Variants in PPP1R26 observed in about 807,000 individuals in gnomAD.
PPP1R26 encodes the protein 1A6/DRIM (down-regulated in metastasis) interacting protein.
In PPP1R26, 22 loss-of-function variants were observed where a neutral mutation model predicts 67.6. The observed-to-expected ratio is 0.33, with a 90% CI of 0.23 to 0.46. PPP1R26 has a LOEUF of 0.46. Ranked by LOEUF, PPP1R26 falls within the 20% of genes least tolerant of loss-of-function variation. The pLI, the probability that PPP1R26 is intolerant of heterozygous loss-of-function variation, is 1.00. For missense variants in PPP1R26, 1,602 were observed against 1,651.4 expected (o/e 0.97, Z 0.52); for synonymous variants, 729 against 717.2 (o/e 1.02, Z -0.26).
intron 2 of PPP1R26, among the ~76,000 whole-genome samples, chr9:135,483,088 C>T (rs758004996): frequency 1.4e-4 from 20 of 144,580 alleles, no homozygotes; most frequent in Non-Finnish European, 2.4e-4. Context: ...CTCCTGGGTT[C>T]GAGCAATTCT....
chr9:135,480,098 A>G (rs1324611812), intron 1 of PPP1R26, 76 bp downstream of exon 1: 1 of 145,824 alleles, frequency 6.9e-6, no homozygotes, highest in Non-Finnish European at 1.5e-5. Flanking sequence ...AGGGCCAGCC[A>G]GGCCGGGGCC....
Position 135,487,452 on chromosome 9 carries a change from C to T in PPP1R26, c.2942C>T (p.Pro981Leu), listed in dbSNP as rs774387095. 1 of 1,610,326 alleles carries T rather than the reference C, an allele frequency of 6.2e-7. No homozygotes were observed. The highest frequency in any genetic ancestry group is 8.5e-7 in the Non-Finnish European group (1 of 1,179,616). ...PAAKSAFGQL[P>L]SCATAGTEAG... ...GCCAAAAGTGCTTTTGGTCAGCTGC[C>T]CAGCTGTGCCACAGCGGGCACCGAG... The change falls in exon 4 of 4, where the codon CCC (proline) becomes CTC (leucine). Residue 981 changes from proline to leucine, a missense_variant. Around this residue, in one of 5 missense-constraint regions of PPP1R26, gnomAD observed 740 missense variants for 696.3 expected, o/e 1.06. Transcript: ENST00000356818.
rs768215472 is a variant in PPP1R26 at position 135,486,631 on chromosome 9, C to T, written c.2121C>T (p.Leu707=). The change falls in exon 4 of 4, where the codon CTC becomes CTT. Residue 707 remains leucine (L), a synonymous_variant. Transcript: ENST00000356818. The surrounding 1 kb of genome is among the most constrained non-coding windows in gnomAD (Gnocchi z 6.2). ...IKDLLRSKRK[L]KKRCREPRAA... ...ACTTGTTAAGGTCCAAGCGAAAGCT[C>T]AAGAAGAGGTGCAGGGAGCCCAGGG... The T allele has an allele frequency of 4.3e-6, 7 of 1,612,352 alleles. No individual in the cohort carries two copies. The highest frequency in any genetic ancestry group is 1.1e-5 in the South Asian group (1 of 91,012).
Position 135,488,007 on chromosome 9 carries a change from G to A in PPP1R26, c.3497G>A (p.Ser1166Asn). 6.2e-7 allele frequency: 1 copy of A among 1,611,810 alleles called. No individual in the cohort carries two copies. Among genetic ancestry groups the A allele is most frequent in the South Asian group, 1.1e-5 (1 of 90,842 alleles). Reference protein sequence around the residue: ...HDRRSSGSEESILDLRYRRRV... With the variant: ...HDRRSSGSEENILDLRYRRRV... ...AGGAGGAGCTCGGGCTCGGAGGAAA[G>A]CATTTTAGACCTGAGGTATCGACGA... Residue 1166 changes from serine to asparagine, a missense_variant, in exon 4 of 4, where the codon AGC becomes AAC. Transcript: ENST00000356818.
In PPP1R26 at chr9:135,485,591, G is replaced by A. The variant is rs574333879; in HGVS notation, c.1081G>A (p.Asp361Asn). ...TGCGGCACAGGCGTCCGAGGCGTCC[G>A]ACTCCAGCAGCGACGATGGCATTGA... ...MSAAQASEASDSSSDDGIEEA... is the reference protein window; with the variant it reads ...MSAAQASEASNSSSDDGIEEA... The change falls in exon 4 of 4, where the codon GAC becomes AAC. Residue 361 changes from aspartate (D) to asparagine (N), a missense_variant. Coordinates refer to ENST00000356818, the MANE Select transcript of PPP1R26 (RefSeq NM_014811.5). This position sits in a 1 kb window ranked among gnomAD's most constrained non-coding sequence, Gnocchi z 7.2. The A allele has an allele frequency of 5.8e-5, 94 of 1,613,160 alleles. No individual in the cohort carries two copies. The highest frequency in any genetic ancestry group is 7.2e-5 in the Non-Finnish European group (85 of 1,180,020).
In PPP1R26 at chr9:135,488,339, ATTAT is replaced by A; in HGVS notation, c.*203_*206del. 2.9e-6 allele frequency: 3 copies of A among 1,049,646 alleles called. No individual in the cohort carries two copies. The highest frequency in any genetic ancestry group is 3.5e-4 in the Middle Eastern group (1 of 2,830). The allele number at this position is 1,049,646 out of a possible 1,614,324, so 65.0% of individuals were successfully genotyped here. ...ATATGATTTTTGTAGCTTTTTGTAA[ATTAT>A]TTAAAGTGATGTAAAAGATATTTTT... On this transcript the variant is annotated 3_prime_UTR_variant, in exon 4 of 4. Coordinates refer to ENST00000356818, the MANE Select transcript of PPP1R26 (RefSeq NM_014811.5).
rs1363688491 is a variant in PPP1R26 at position 135,486,603 on chromosome 9, A to T, written c.2093A>T (p.Lys698Met). The change falls in exon 4 of 4, where the codon AAG becomes ATG. Residue 698 changes from lysine to methionine, a missense_variant. By Grantham distance (95) the Lys-to-Met change is moderately conservative. Transcript: ENST00000356818. The surrounding 1 kb of genome is among the most constrained non-coding windows in gnomAD (Gnocchi z 6.2). ...DSDEDLDTAIKDLLRSKRKLK... is the reference protein window; with the variant it reads ...DSDEDLDTAIMDLLRSKRKLK... ...GACGAGGACCTGGACACAGCCATCA[A>T]GGACTTGTTAAGGTCCAAGCGAAAG... is the stretch of plus-strand genomic sequence containing the variant. 1 of 1,612,340 alleles carries T rather than the reference A, an allele frequency of 6.2e-7. No homozygotes were observed. Among genetic ancestry groups the T allele is most frequent in the South Asian group, 1.1e-5 (1 of 91,012 alleles).
chr9:135,486,398 C>CCCGG lies in PPP1R26; in HGVS notation c.1891_1894dup (p.His632ArgfsTer3). ...CGACCACAGCCAGGGGAGAGCTGAG[C>CCCGG]CCGGCCATGAGAGGCGAGACCTGCC... On this transcript the variant is annotated frameshift_variant, in exon 4 of 4. Coordinates refer to ENST00000356818, the MANE Select transcript of PPP1R26 (RefSeq NM_014811.5). LOFTEE classifies it high-confidence loss of function. The surrounding 1 kb of genome is among the most constrained non-coding windows in gnomAD (Gnocchi z 6.2). 6.2e-7 allele frequency: 1 copy of CCCGG among 1,613,156 alleles called. No individual in the cohort carries two copies.
chr9:135,488,533 C>T lies in PPP1R26; in HGVS notation c.*393C>T, dbSNP rs111701898. 0.025 allele frequency: 4,277 copies of T among 170,360 alleles called. 54 individuals carry two copies. The highest frequency in any genetic ancestry group is 0.049 in the South Asian group (239 of 4,868). The allele number at this position is 170,360 out of a possible 1,614,324, so 10.6% of individuals were successfully genotyped here. A position where few individuals can be genotyped will look rare whatever the true frequency, so the allele number is the denominator to read the frequency against. On this transcript the variant is annotated 3_prime_UTR_variant, in exon 4 of 4. Transcript: ENST00000356818. The stretch of plus-strand genomic sequence containing the variant: ...TGCTGGTGAGAATGGCCGGCGGTGG[C>T]TGCAGTGGTAGCCTGAGGAAGGCCA...
Position 135,487,294 on chromosome 9 carries a change from T to C in PPP1R26, c.2784T>C (p.Pro928=), listed in dbSNP as rs1185217547. The C allele has an allele frequency of 1.3e-6, 2 of 1,555,880 alleles. No individual in the cohort carries two copies. Among genetic ancestry groups the C allele is most frequent in the Admixed American group, 1.9e-5 (1 of 53,366 alleles). Residue 928 remains proline (P), a synonymous_variant, in exon 4 of 4, where the codon CCT becomes CCC. Transcript: ENST00000356818. The stretch of plus-strand genomic sequence containing the variant: ...TCAGCCAGGGCGGGAAGGGGCTCCC[T>C]GCTGCTCCTGCCCGAGGGGATCCGG... ...GLFSQGGKGL[P]AAPARGDPVP...
rs142537495 is a variant in PPP1R26, at chr9:135,485,758, C to G, written c.1248C>G (p.Pro416=). The change falls in exon 4 of 4, where the codon CCC becomes CCG. Residue 416 remains proline (P), a synonymous_variant. Coordinates refer to ENST00000356818, the MANE Select transcript of PPP1R26 (RefSeq NM_014811.5). This position sits in a 1 kb window ranked among gnomAD's most constrained non-coding sequence, Gnocchi z 7.2. The part of the protein sequence containing the change: ...STSSATKSAL[P]ETHRKTPSKK... ...GCAGTGCCACAAAAAGTGCCTTGCC[C>G]GAGACCCACAGGAAAACACCCAGCA... 2.5e-6 allele frequency: 4 copies of G among 1,611,146 alleles called. No homozygotes were observed. Among genetic ancestry groups the G allele is most frequent in the Non-Finnish European group, 3.4e-6 (4 of 1,179,992 alleles).
intron 1 of PPP1R26, 177 bp downstream of exon 1, chr9:135,480,199 G>A (rs1473363468): frequency 6.6e-6 from 1 of 151,476 alleles, no homozygotes; most frequent in Non-Finnish European, 1.5e-5. Context: ...CGTTCCCCGG[G>A]CGGGGATCCT....
rs1305231610 is a variant in PPP1R26, at chr9:135,483,984, A to G, written c.-161A>G. ...GGTTGGGTCAAGAATGAACCTACGC[A>G]TGACGGCGTGCTGATCCTGGGTTTC... On this transcript the variant is annotated 5_prime_UTR_variant, in exon 3 of 4. An upstream start codon of the reference 5' UTR is lost. Coordinates refer to ENST00000356818, the MANE Select transcript of PPP1R26 (RefSeq NM_014811.5). 1.5e-5 allele frequency: 6 copies of G among 400,680 alleles called. No individual in the cohort carries two copies. Among genetic ancestry groups the G allele is most frequent in the South Asian group, 1.3e-4 (1 of 7,976 alleles). 24.8% of individuals were successfully genotyped at this position (400,680 alleles called of 1,614,324 possible). A position where few individuals can be genotyped will look rare whatever the true frequency, so the allele number is the denominator to read the frequency against.
Position 135,487,085 on chromosome 9 carries a change from C to G in PPP1R26, c.2575C>G (p.Gln859Glu), listed in dbSNP as rs774017415. ...AKESVSSSEV[Q>E]AEGPTALGTG... ...GGAGTCAGTGAGCAGTTCAGAAGTTCAGGCAGAGGGCCCCACCGCTCTTGG... is the reference window on the plus strand; with the variant it reads ...GGAGTCAGTGAGCAGTTCAGAAGTTGAGGCAGAGGGCCCCACCGCTCTTGG... Residue 859 changes from glutamine (Q) to glutamate (E), a missense_variant, in exon 4 of 4, where the codon CAG becomes GAG. Coordinates refer to ENST00000356818, the MANE Select transcript of PPP1R26 (RefSeq NM_014811.5). The G allele has an allele frequency of 4.3e-6, 7 of 1,611,408 alleles. No homozygotes were observed. Among genetic ancestry groups the G allele is most frequent in the Non-Finnish European group, 5.9e-6 (7 of 1,179,976 alleles).
Position 135,484,988 on chromosome 9 carries a change from G to A in PPP1R26, c.478G>A (p.Ala160Thr). The A allele has an allele frequency of 1.9e-6, 3 of 1,583,654 alleles. No individual in the cohort carries two copies. The highest frequency in any genetic ancestry group is 2.6e-6 in the Non-Finnish European group (3 of 1,166,178). ...PGAGGAQPGAAQPSRAAGGGS... is the reference protein window; with the variant it reads ...PGAGGAQPGATQPSRAAGGGS... ...GGCCGGCGGGGCCCAGCCAGGTGCAGCCCAGCCTTCCAGGGCCGCAGGCGG... is the reference window on the plus strand; with the variant it reads ...GGCCGGCGGGGCCCAGCCAGGTGCAACCCAGCCTTCCAGGGCCGCAGGCGG... Residue 160 changes from alanine to threonine, a missense_variant, in exon 4 of 4, where the codon GCC becomes ACC. Coordinates refer to ENST00000356818, the MANE Select transcript of PPP1R26 (RefSeq NM_014811.5).
Position 135,487,477 on chromosome 9 carries a change from G to A in PPP1R26, c.2967G>A (p.Glu989=). The A allele has an allele frequency of 1.9e-6, 3 of 1,610,652 alleles. No individual in the cohort carries two copies. Among genetic ancestry groups the A allele is most frequent in the East Asian group, 2.2e-5 (1 of 44,866 alleles). ...CCAGCTGTGCCACAGCGGGCACCGA[G>A]GCAGGAGGCGCCAGAGGAACCTTTC... ...QLPSCATAGT[E]AGGARGTFHM... The change falls in exon 4 of 4, where the codon GAG becomes GAA. Residue 989 remains glutamate, a synonymous_variant. Coordinates refer to ENST00000356818, the MANE Select transcript of PPP1R26 (RefSeq NM_014811.5).
rs769096725 is a variant in PPP1R26 at position 135,484,573 on chromosome 9, G to A, written c.63G>A (p.Pro21=). Residue 21 remains proline, a synonymous_variant, in exon 4 of 4, where the codon CCG becomes CCA. Coordinates refer to ENST00000356818, the MANE Select transcript of PPP1R26 (RefSeq NM_014811.5). ...ALQSKWEAFG[P]PGSCRFPRCF... ...AGTCCAAATGGGAGGCCTTTGGCCC[G>A]CCAGGGAGCTGTAGGTTCCCCAGGT... 4.3e-5 allele frequency: 70 copies of A among 1,612,028 alleles called. No homozygotes were observed. Among genetic ancestry groups the A allele is most frequent in the East Asian group, 4.0e-4 (18 of 44,872 alleles).
In PPP1R26 at chr9:135,487,999, G is replaced by A. The variant is rs540758318; in HGVS notation, c.3489G>A (p.Ser1163=). The A allele has an allele frequency of 2.4e-5, 39 of 1,611,140 alleles. No homozygotes were observed. The highest frequency in any genetic ancestry group is 6.7e-5 in the East Asian group (3 of 44,808). The change falls in exon 4 of 4, where the codon TCG becomes TCA. Residue 1163 remains serine, a synonymous_variant. Transcript: ENST00000356818. ...TGCATGACAGGAGGAGCTCGGGCTCGGAGGAAAGCATTTTAGACCTGAGGT... is the reference window on the plus strand; with the variant it reads ...TGCATGACAGGAGGAGCTCGGGCTCAGAGGAAAGCATTTTAGACCTGAGGT... ...LSLHDRRSSG[S]EESILDLRYR...
At position 135,485,146 on chromosome 9, in the gene PPP1R26, C is replaced by T; in HGVS notation, c.636C>T (p.Ser212=). The change falls in exon 4 of 4, where the codon TCC becomes TCT. Residue 212 remains serine (S), a synonymous_variant. Coordinates refer to ENST00000356818, the MANE Select transcript of PPP1R26 (RefSeq NM_014811.5). This position sits in a 1 kb window ranked among gnomAD's most constrained non-coding sequence, Gnocchi z 7.2. ...VGSSKDQGSA[S]PVSVSSDDSF... is the part of the protein sequence containing the mutation. Reference sequence around the variant, plus strand: ...CCAGCAAGGACCAGGGCTCCGCCTCCCCGGTCAGTGTGAGCAGCGATGACT... The same window carrying T: ...CCAGCAAGGACCAGGGCTCCGCCTCTCCGGTCAGTGTGAGCAGCGATGACT... 6.2e-7 allele frequency: 1 copy of T among 1,612,926 alleles called. No homozygotes were observed.
Sources: gnomAD v4.1 joint callset for allele counts (sites outside exome capture counted in the v4.1 genomes callset) on GRCh38, gnomAD v4.1.1 for gene constraint, gnomAD v4.1.1 regional missense constraint, Gnocchi (gnomAD v3.1) non-coding constraint, MANE v1.5 for transcripts, NCBI Gene and HGNC (gene_info 2026-07-23, HGNC 2026-07-21) for gene names.